Variants in PRR11 observed in about 807,000 individuals in gnomAD.
The protein encoded by PRR11 is proline-rich protein 11.
A neutral mutation model predicts 45.6 loss-of-function variants in PRR11; 30 were observed. The observed-to-expected ratio is 0.66, with a 90% CI of 0.49 to 0.89. PRR11 has a LOEUF of 0.89. Among genes scored for constraint, PRR11 ranks in the 40% least tolerant of loss-of-function variants. The pLI is 0.00. For missense variants in PRR11, 373 were observed against 424.8 expected (o/e 0.88, Z 1.07); for synonymous variants, 128 against 153.5 (o/e 0.83, Z 1.23).
At chr17:59,182,807 C>G (rs1658836898) in intron 2 of PRR11, among the ~76,000 whole-genome samples, 1 of 152,152 alleles carries the variant, frequency 6.6e-6, no homozygotes, top group Non-Finnish European at 1.5e-5. Context: ...CTGAGGTGCT[C>G]AGCTGGGGGC....
chr17:59,178,440 G>A, intron 2 of PRR11: 1 of 497,686 alleles, frequency 2.0e-6, no homozygotes, highest in Non-Finnish European at 4.0e-6. Context: ...GTGCACTGAA[G>A]CAGGAACACG....
In PRR11 at chr17:59,206,496, A is replaced by G. The variant is rs958378367; in HGVS notation, c.*4865A>G. ...TTGTACCAGTGTTAAAATGTGTTCTACCTTGCATCTTTTACTGATTTTTAT... is the reference window on the plus strand; with the variant it reads ...TTGTACCAGTGTTAAAATGTGTTCTGCCTTGCATCTTTTACTGATTTTTAT... On this transcript the variant is annotated 3_prime_UTR_variant, in exon 10 of 10. Transcript: ENST00000262293. 3.3e-5 allele frequency among the ~76,000 whole-genome samples: 5 copies of G among 152,058 alleles called. No individual in the cohort carries two copies. The highest frequency in any genetic ancestry group is 1.2e-4 in the African/African-American group (5 of 41,396).
rs1253563403 is a variant in PRR11 at position 59,181,966 on chromosome 17, G to T, written c.129-3088G>T. ...CTCTGTCCTCAGAACACTTCTTCATGTCCTTCCCTGGTCCCTGGCTCTCTG... is the reference window on the plus strand; with the variant it reads ...CTCTGTCCTCAGAACACTTCTTCATTTCCTTCCCTGGTCCCTGGCTCTCTG... On this transcript the variant is annotated intron_variant, in intron 2 of 9. Transcript: ENST00000262293. Among the ~76,000 whole-genome samples, 362 of 148,554 alleles carry T rather than the reference G, an allele frequency of 2.4e-3. 6 individuals carry two copies. Among genetic ancestry groups the T allele is most frequent in the African/African-American group, 8.9e-3 (347 of 39,186 alleles).
rs76111835 is a variant in PRR11, at chr17:59,172,591, G to A, written c.128+2711G>A. Among the ~76,000 whole-genome samples, 140 of 152,362 alleles carry A rather than the reference G, an allele frequency of 9.2e-4. 1 individual carries two copies. In the East Asian group the frequency reaches 0.023, roughly 25 times the overall value. On this transcript the variant is annotated intron_variant, in intron 2 of 9. Coordinates refer to ENST00000262293, the MANE Select transcript of PRR11 (RefSeq NM_018304.4). The stretch of plus-strand genomic sequence containing the variant: ...ATGCCAGCTTGAGTTCTGGGTGGGC[G>A]TGGTTTGGCGGCCCCCACACTCTGA...
chr17:59,200,554 G>A (rs1241686123), intron 9 of PRR11, among the ~76,000 whole-genome samples: 8 of 151,954 alleles, frequency 5.3e-5, no homozygotes, highest in Non-Finnish European at 7.4e-5. Context: ...GTACAATGGC[G>A]CAATCTTGGC....
chr17:59,174,988 C>A, intron 2 of PRR11: 1 of 775,392 alleles, frequency 1.3e-6, no homozygotes, highest in Non-Finnish European at 2.2e-6. Flanking sequence ...GAAACCCAAG[C>A]CCTCCAGCGC....
chr17:59,186,081 A>G (rs143692971), intron 4 of PRR11, among the ~76,000 whole-genome samples: 10 of 152,258 alleles, frequency 6.6e-5, no homozygotes, highest in African/African-American at 2.2e-4. Context: ...CTTCCAAAAT[A>G]AAAAATTATT....
At chr17:59,175,207 G>A (rs1313778169) in intron 2 of PRR11, 13 of 454,290 alleles carry the variant, frequency 2.9e-5, no homozygotes, top group South Asian at 1.7e-4. Context: ...CAGAGAGGAG[G>A]GCAGGGGACG....
In PRR11 at chr17:59,197,618, T is replaced by A; in HGVS notation, c.917+15T>A. ...GATGTAGAGAGGTAATACACTCTCA[T>A]ATCTTTATGCCTTCTACGTCCATTT... is the stretch of plus-strand genomic sequence containing the variant. On this transcript the variant is annotated intron_variant, in intron 8 of 9. Coordinates refer to ENST00000262293, the MANE Select transcript of PRR11 (RefSeq NM_018304.4). 1 of 1,611,986 alleles carries A rather than the reference T, an allele frequency of 6.2e-7. No individual in the cohort carries two copies. Among genetic ancestry groups the A allele is most frequent in the South Asian group, 1.1e-5 (1 of 91,042 alleles).
rs531683675 is a variant in PRR11 at position 59,195,419 on chromosome 17, C to A, written c.833C>A (p.Ser278Ter). 6.2e-7 allele frequency: 1 copy of A among 1,610,746 alleles called. No individual in the cohort carries two copies. The highest frequency in any genetic ancestry group is 1.3e-5 in the African/African-American group (1 of 74,914). ...VTLKPNSKVL[S>*]TRVTNVLITP... is the part of the protein sequence containing the mutation. ...CTGAAACCTAACTCCAAAGTGTTAT[C>A]GACTCGAGTTACAAACGTCTTAATG... is the stretch of plus-strand genomic sequence containing the variant. Residue 278 changes from serine to a stop codon, truncating the protein, a stop_gained, in exon 7 of 10, where the codon TCG becomes TAG. Coordinates refer to ENST00000262293, the MANE Select transcript of PRR11 (RefSeq NM_018304.4). LOFTEE classifies it high-confidence loss of function.
chr17:59,201,471 A>G, intron 9 of PRR11, 92 bp from the exon 10 acceptor site: 3 of 1,309,812 alleles, frequency 2.3e-6, no homozygotes, highest in Non-Finnish European at 3.2e-6. Context: ...CAGTGTTGCC[A>G]TGCAAAAATT....
At chr17:59,182,789 G>C (rs1295611921) in intron 2 of PRR11, among the ~76,000 whole-genome samples, 1 of 152,100 alleles carries the variant, frequency 6.6e-6, no homozygotes, top group Non-Finnish European at 1.5e-5. Flanking sequence ...CCTCCTGGAG[G>C]GGGTACCCTG....
intron 4 of PRR11, among the ~76,000 whole-genome samples, chr17:59,192,076 G>T (rs1283834085): frequency 6.6e-6 from 1 of 152,116 alleles, no homozygotes; most frequent in Non-Finnish European, 1.5e-5. Flanking sequence ...TTAGGGTAAG[G>T]ATTTTGAGAT....
At chr17:59,179,264 G>A (rs1278592900) in intron 2 of PRR11, among the ~76,000 whole-genome samples, 2 of 152,114 alleles carry the variant, frequency 1.3e-5, no homozygotes, top group Non-Finnish European at 2.9e-5. Context: ...GGGATTACAG[G>A]TTTGAGCTAC....
chr17:59,190,732 A>G (rs1335239608), intron 4 of PRR11, among the ~76,000 whole-genome samples: 1 of 152,218 alleles, frequency 6.6e-6, no homozygotes, highest in Non-Finnish European at 1.5e-5. Flanking sequence ...TTTATTTCTC[A>G]GACAGACTCT....
intron 4 of PRR11, among the ~76,000 whole-genome samples, chr17:59,189,561 T>G (rs2046831423): frequency 6.6e-6 from 1 of 152,098 alleles, no homozygotes; most frequent in Non-Finnish European, 1.5e-5. Flanking sequence ...CTTGAACTCC[T>G]GACCTCAAGT....
intron 2 of PRR11, among the ~76,000 whole-genome samples, chr17:59,182,694 C>T (rs1465072375): frequency 6.6e-6 from 1 of 151,986 alleles, no homozygotes; most frequent in Non-Finnish European, 1.5e-5. Context: ...CACCTGGCCC[C>T]CTTCCTTCAC....
chr17:59,179,160 T>G (rs918744325), intron 2 of PRR11, among the ~76,000 whole-genome samples: 20 of 152,180 alleles, frequency 1.3e-4, no homozygotes, highest in African/African-American at 4.8e-4. Flanking sequence ...CTACCACGCC[T>G]GGCTAATTTT....
chr17:59,168,559 G>A (rs953197151), intron 1 of PRR11, among the ~76,000 whole-genome samples: 4 of 151,902 alleles, frequency 2.6e-5, no homozygotes, highest in Non-Finnish European at 4.4e-5. Flanking sequence ...GTGTGGTGGC[G>A]TGTGCCTGTG....
Sources: allele counts gnomAD v4.1 joint callset (sites outside exome capture counted in the v4.1 genomes callset), GRCh38; gene constraint gnomAD v4.1.1; transcripts MANE v1.5; gene names NCBI Gene and HGNC (gene_info 2026-07-23, HGNC 2026-07-21).